MCF2L: variants seen among roughly 807,000 people sequenced by gnomAD.
The protein encoded by MCF2L is MCF.2 cell line derived transforming sequence like, also known as guanine nucleotide exchange factor DBS.
In MCF2L, 97 loss-of-function variants were observed where a neutral mutation model predicts 153.4. The ratio of observed to expected loss-of-function variants is 0.63; its 90% CI spans 0.54 to 0.75. The LOEUF (loss-of-function observed/expected upper bound fraction) is 0.75, where lower values mean the gene tolerates loss of function less well. Among genes scored for constraint, MCF2L ranks in the 30% least tolerant of loss-of-function variants. The probability of loss-of-function intolerance (pLI) is 0.00; values close to 1 mark genes in which losing one functional copy is unlikely to be tolerated. For missense variants in MCF2L, 1,347 were observed against 1,495.2 expected (o/e 0.90, Z 1.64); for synonymous variants, 659 against 632.2 (o/e 1.04, Z -0.64).
intron 2 of MCF2L, among the ~76,000 whole-genome samples, chr13:112,916,204 G>A (rs929380969): frequency 5.4e-5 from 8 of 147,598 alleles, no homozygotes; most frequent in South Asian, 2.1e-4. Context: ...CTCTGATTCC[G>A]AGGCGACTTT....
In MCF2L at chr13:113,064,608, T is replaced by C. The variant is rs2032068893; in HGVS notation, c.606+188T>C. 1 of 588,252 alleles carries C rather than the reference T, an allele frequency of 1.7e-6. No homozygotes were observed. Among genetic ancestry groups the C allele is most frequent in the African/African-American group, 1.9e-5 (1 of 53,452 alleles). 36.4% of individuals were successfully genotyped at this position (588,252 alleles called of 1,614,324 possible). A position where few individuals can be genotyped will look rare whatever the true frequency, so the allele number is the denominator to read the frequency against. On this transcript the variant is annotated intron_variant, in intron 6 of 29. Coordinates refer to ENST00000535094, the MANE Select transcript of MCF2L (RefSeq NM_001112732.3). This position sits in a 1 kb window ranked among gnomAD's most constrained non-coding sequence, Gnocchi z 6.0. The stretch of plus-strand genomic sequence containing the variant: ...TAAAGAAGTAACGTGAGTCATAAGT[T>C]TGGGAGTGGCTTTCTCTGGGCTTGG...
intron 2 of MCF2L, among the ~76,000 whole-genome samples, chr13:112,942,777 T>G (rs1322590177): frequency 1.3e-5 from 2 of 152,158 alleles, no homozygotes; most frequent in African/African-American, 4.8e-5. Context: ...GGCAGGGACA[T>G]CTCTTGATGT....
chr13:112,934,815 A>C (rs1454568127), intron 2 of MCF2L, among the ~76,000 whole-genome samples: 1 of 151,968 alleles, frequency 6.6e-6, no homozygotes, highest in African/African-American at 2.4e-5. Flanking sequence ...CAGACACCCC[A>C]CATTACAAAT....
Position 113,031,949 on chromosome 13 carries a change from A to G in MCF2L, c.278+7191A>G, listed in dbSNP as rs112601218. On this transcript the variant is annotated intron_variant, in intron 3 of 29. Transcript: ENST00000535094. The surrounding 1 kb of genome is among the most constrained non-coding windows in gnomAD (Gnocchi z 5.5). ...ACATACACAGATGTGCATGTGTATAACCACACACGTGCGCACACACACACA... is the reference window on the plus strand; with the variant it reads ...ACATACACAGATGTGCATGTGTATAGCCACACACGTGCGCACACACACACA... Among the ~76,000 whole-genome samples, 97 of 152,194 alleles carry G rather than the reference A, an allele frequency of 6.4e-4. No homozygotes were observed. Among genetic ancestry groups the G allele is most frequent in the African/African-American group, 2.1e-3 (89 of 41,516 alleles).
At position 113,032,569 on chromosome 13, in the gene MCF2L, A is replaced by T. The variant is rs567987503; in HGVS notation, c.278+7811A>T. 2.4e-4 allele frequency among the ~76,000 whole-genome samples: 36 copies of T among 150,872 alleles called. No individual in the cohort carries two copies. The South Asian group carries it at 5.9e-3, about 25-fold the overall frequency. Reference sequence around the variant, plus strand: ...TTTGCTGCTGCCTTTCATTTTATATATTTTTTTTTCATGTTTTGAGACAGG... The same window carrying T: ...TTTGCTGCTGCCTTTCATTTTATATTTTTTTTTTTCATGTTTTGAGACAGG... On this transcript the variant is annotated intron_variant, in intron 3 of 29. Coordinates refer to ENST00000535094, the MANE Select transcript of MCF2L (RefSeq NM_001112732.3).
intron 5 of MCF2L, among the ~76,000 whole-genome samples, chr13:113,062,380 C>T (rs1481762973): frequency 2.0e-5 from 3 of 152,190 alleles, no homozygotes; most frequent in African/African-American, 7.2e-5. Flanking sequence ...GACAGCTACT[C>T]TCTTGGTGGC....
intron 2 of MCF2L, among the ~76,000 whole-genome samples, chr13:112,908,699 AAAC>A (rs1402860701): frequency 1.3e-5 from 2 of 151,864 alleles, no homozygotes; most frequent in Non-Finnish European, 2.9e-5. Context: ...TGTCAGACAC[AAAC>A]ACCAGGCTCA....
chr13:112,995,321 T>C lies in MCF2L; in HGVS notation c.80-19442T>C, dbSNP rs375204850. 3.3e-4 allele frequency among the ~76,000 whole-genome samples: 50 copies of C among 152,268 alleles called. No individual in the cohort carries two copies. In the South Asian group the frequency reaches 9.8e-3, roughly 30 times the overall value. On this transcript the variant is annotated intron_variant, in intron 1 of 29. Coordinates refer to ENST00000535094, the MANE Select transcript of MCF2L (RefSeq NM_001112732.3). ...ACATGCCTGTTTGCTGAGCATATGA[T>C]TAAGAGAAAGAAGGAAAGAGGGTCC...
In MCF2L at chr13:113,031,174, TG is replaced by T. The variant is rs1566768211; in HGVS notation, c.278+6417del. Among the ~76,000 whole-genome samples the T allele has an allele frequency of 9.1e-3, 898 of 98,522 alleles. 12 individuals carry two copies. The highest frequency in any genetic ancestry group is 0.035 in the African/African-American group (836 of 24,018). 64.6% of individuals were successfully genotyped at this position (98,522 alleles called of 152,430 possible). ...AGAGACAGAGAGAAGAGACAGAGAG[TG>T]ACAGACAGAGACAGAGAGACAGAGA... On this transcript the variant is annotated intron_variant, in intron 3 of 29. Transcript: ENST00000535094. This position sits in a 1 kb window ranked among gnomAD's most constrained non-coding sequence, Gnocchi z 5.5.
chr13:113,058,715 ACTGAGTGGGTG>A (rs2030766106), intron 4 of MCF2L, among the ~76,000 whole-genome samples: 2 of 74,438 alleles, frequency 2.7e-5, no homozygotes, highest in Admixed American at 1.5e-4. Flanking sequence ...CTGTTTGGGC[ACTGAGTGGGTG>A]CTGTGTGGGC....
rs2081963422 is a variant in MCF2L, at chr13:112,969,311, G to T, written c.-69G>T. 1 of 1,542,592 alleles carries T rather than the reference G, an allele frequency of 6.5e-7. No homozygotes were observed. The highest frequency in any genetic ancestry group is 8.8e-7 in the Non-Finnish European group (1 of 1,142,076). On this transcript the variant is annotated 5_prime_UTR_variant, in exon 1 of 30. Coordinates refer to ENST00000535094, the MANE Select transcript of MCF2L (RefSeq NM_001112732.3). The surrounding 1 kb of genome is among the most constrained non-coding windows in gnomAD (Gnocchi z 4.8). ...GCCGCGCCCCCTCCGCACTCGCACG[G>T]CCCCACCCGCAGGCGCCCCCCGTGC...
chr13:112,956,531 T>C (rs1428212562), intron 2 of MCF2L: 1 of 152,284 alleles, frequency 6.6e-6, no homozygotes, highest in Non-Finnish European at 1.5e-5. Context: ...AATCGAGCAA[T>C]GCTGGAAGCG....
chr13:113,085,824 C>A (rs541346), intron 20 of MCF2L, among the ~76,000 whole-genome samples: 40 of 12,048 alleles, frequency 3.3e-3, no homozygotes, highest in South Asian at 9.2e-3. Flanking sequence ...ACCTGGCATC[C>A]GGGTGGCAGG....
chr13:112,900,680 G>T (rs1275926376), intron 1 of MCF2L, among the ~76,000 whole-genome samples: 1 of 152,172 alleles, frequency 6.6e-6, no homozygotes, highest in Non-Finnish European at 1.5e-5. Flanking sequence ...GAGGGGCATG[G>T]GTGTGGCCCT....
chr13:113,019,730 C>T (rs1020524781), intron 2 of MCF2L, among the ~76,000 whole-genome samples: 3 of 152,138 alleles, frequency 2.0e-5, no homozygotes, highest in Non-Finnish European at 4.4e-5. Flanking sequence ...GGAGGTGAGG[C>T]CTTTGGGAGG....
At position 113,088,601 on chromosome 13, in the gene MCF2L, TG is replaced by T. The variant is rs1385238969; in HGVS notation, c.2808del (p.Leu938CysfsTer28). ...CGGGCGCTGGAGCAGTCACAGAGCC[TG>T]CCCCTGCCGGCCCCGACCAGCACCA... ...QHRALEQSQS[L>X]PLPAPTSTSP... is the part of the protein sequence containing the mutation. On this transcript the variant is annotated frameshift_variant, in exon 25 of 30. Coordinates refer to ENST00000535094, the MANE Select transcript of MCF2L (RefSeq NM_001112732.3). LOFTEE classifies it high-confidence loss of function. The T allele has an allele frequency of 3.7e-6, 6 of 1,609,120 alleles. No individual in the cohort carries two copies. The highest frequency in any genetic ancestry group is 5.1e-6 in the Non-Finnish European group (6 of 1,179,874).
intron 1 of MCF2L, among the ~76,000 whole-genome samples, chr13:112,990,801 G>A (rs1287803515): frequency 6.6e-6 from 1 of 152,234 alleles, no homozygotes; most frequent in African/African-American, 2.4e-5. Context: ...AATGCTGCAG[G>A]GAAAGCAAAG....
intron 26 of MCF2L, among the ~76,000 whole-genome samples, chr13:113,092,403 ATTT>A (rs2035294995): frequency 1.3e-5 from 2 of 151,242 alleles, no homozygotes; most frequent in Non-Finnish European, 2.9e-5. Flanking sequence ...CCCGTGGGTC[ATTT>A]CCACCGTGGC....
intron 7 of MCF2L, 59 bp from the exon 8 acceptor site, chr13:113,065,987 A>G (rs762772666): frequency 8.9e-5 from 139 of 1,567,552 alleles, no homozygotes; most frequent in Non-Finnish European, 1.1e-4. Flanking sequence ...AGGCCTCACC[A>G]CCAGCCTGCG....
Sources: allele counts gnomAD v4.1 joint callset (sites outside exome capture counted in the v4.1 genomes callset), GRCh38; gene constraint gnomAD v4.1.1; non-coding constraint Gnocchi (gnomAD v3.1); transcripts MANE v1.5; gene names NCBI Gene and HGNC (gene_info 2026-07-23, HGNC 2026-07-21).